ZZEF1: variants seen among roughly 807,000 people sequenced by gnomAD.
ZZEF1 encodes zinc finger ZZ-type and EF-hand domain-containing protein 1.
A neutral mutation model predicts 342.8 loss-of-function variants in ZZEF1; 157 were observed. The ratio of observed to expected loss-of-function variants is 0.46; its 90% CI spans 0.40 to 0.52. The LOEUF (loss-of-function observed/expected upper bound fraction) is 0.52, where lower values mean the gene tolerates loss of function less well. ZZEF1 is among the 20% of genes least tolerant of loss of function. ZZEF1 has a pLI of 0.00. For synonymous variants in ZZEF1, 1,505 were observed against 1,429.1 expected, an observed-to-expected ratio of 1.05 and a Z score of -1.20; for missense variants, 3,480 against 3,725.6, an observed-to-expected ratio of 0.93 and a Z score of 1.72.
intron 25 of ZZEF1, 105 bp from the exon 26 acceptor site, chr17:4,071,029 ACT>A: frequency 7.6e-7 from 1 of 1,322,098 alleles, no homozygotes; most frequent in Non-Finnish European, 1.0e-6. Context: ...CACAGTGAAC[ACT>A]CTCCGGAAGT....
At chr17:4,030,230 A>T (rs2145040942) in intron 42 of ZZEF1, among the ~76,000 whole-genome samples, 1 of 152,298 alleles carries the variant, frequency 6.6e-6, no homozygotes, top group South Asian at 2.1e-4. Context: ...TATCTAGGAA[A>T]CAAAAAGAGA....
At position 4,033,260 on chromosome 17, in the gene ZZEF1, A is replaced by T. The variant is rs7213504; in HGVS notation, c.6585-258T>A. The T allele has an allele frequency of 1.1e-3, 437 of 389,992 alleles. 2 individuals carry two copies. The highest frequency in any genetic ancestry group is 7.9e-3 in the African/African-American group (399 of 50,768). 24.2% of individuals were successfully genotyped at this position (389,992 alleles called of 1,614,324 possible). On this transcript the variant is annotated intron_variant, in intron 40 of 54. Transcript: ENST00000381638. ...ATCACCTGTGTGTGTGCACATGCAC[A>T]CTCATATTCAAACACAGAAGAAAAT...
Position 4,044,328 on chromosome 17 carries a change from T to C in ZZEF1, c.6062A>G (p.Gln2021Arg). Residue 2021 changes from glutamine to arginine, a missense_variant, in exon 38 of 55, where the codon CAG (glutamine) becomes CGG (arginine). Physicochemically the swap from Gln to Arg is conservative, Grantham distance 43 (BLOSUM62 1). This residue lies in a region of ZZEF1 where 1,269 missense variants were observed against 1,342.4 expected (regional missense o/e 0.95). Coordinates refer to ENST00000381638, the MANE Select transcript of ZZEF1 (RefSeq NM_015113.4). The stretch of plus-strand genomic sequence containing the variant: ...TACACCTTTATCTGCCTTATTTCTC[T>C]GCTTGAAATCTACAGGTCTGATTTC... ...HEEIRPVDFK[Q>R]RNKADKGVSL... is the part of the protein sequence containing the mutation. 1 of 1,614,086 alleles carries C rather than the reference T, an allele frequency of 6.2e-7. No homozygotes were observed. The highest frequency in any genetic ancestry group is 8.5e-7 in the Non-Finnish European group (1 of 1,179,982).
intron 34 of ZZEF1, among the ~76,000 whole-genome samples, 191 bp downstream of exon 34, chr17:4,053,866 G>A (rs959683072): frequency 2.0e-5 from 3 of 152,232 alleles, no homozygotes; most frequent in African/African-American, 4.8e-5. Flanking sequence ...AAGGAAGCAC[G>A]ACAGATATTA....
chr17:4,009,919 T>C (rs1457462367), intron 52 of ZZEF1, among the ~76,000 whole-genome samples, 162 bp from the exon 53 acceptor site: 2 of 152,026 alleles, frequency 1.3e-5, no homozygotes, highest in Non-Finnish European at 2.9e-5. Context: ...CAGCCACGAA[T>C]AGTCACCAAC....
intron 42 of ZZEF1, among the ~76,000 whole-genome samples, chr17:4,026,501 T>C (rs552785596): frequency 2.1e-4 from 32 of 151,138 alleles, no homozygotes; most frequent in Non-Finnish European, 3.0e-4. Context: ...CAGAAGACAA[T>C]AGACAAACAT....
intron 52 of ZZEF1, 65 bp from the exon 53 acceptor site, chr17:4,009,822 G>A (rs2055899919): frequency 6.4e-7 from 1 of 1,566,368 alleles, no homozygotes; most frequent in East Asian, 2.3e-5. Flanking sequence ...ATGGCTTACA[G>A]CTGGCAGGAA....
chr17:4,020,608 A>T (rs1255722571), intron 45 of ZZEF1, among the ~76,000 whole-genome samples: 2 of 152,160 alleles, frequency 1.3e-5, no homozygotes, highest in African/African-American at 4.8e-5. Flanking sequence ...AAGTGCTGGG[A>T]TTACTAGTGT....
intron 8 of ZZEF1, among the ~76,000 whole-genome samples, chr17:4,102,633 A>C (rs551770633): frequency 1.1e-4 from 17 of 152,192 alleles, no homozygotes; most frequent in Non-Finnish European, 2.1e-4. Flanking sequence ...GCCCTGAGTG[A>C]TTCCAAGGAC....
intron 25 of ZZEF1, 91 bp downstream of exon 25, chr17:4,072,517 A>G (rs915749018): frequency 7.0e-7 from 1 of 1,425,018 alleles, no homozygotes; most frequent in Admixed American, 2.7e-5. Flanking sequence ...TACGGGTAGT[A>G]AGATAGAAAC....
chr17:4,008,872 GGAGA>G lies in ZZEF1; in HGVS notation c.8805+7_8805+10del. ...GCCTGGGGGCCAGCTCTGTTGGGGT[GGAGA>G]GAGTACCTGTGCCGCACAGCGGAGA... On this transcript the variant is annotated splice_region_variant and intron_variant, in intron 54 of 54. Transcript: ENST00000381638. This position sits in a 1 kb window ranked among gnomAD's most constrained non-coding sequence, Gnocchi z 4.2. 6.5e-7 allele frequency: 1 copy of G among 1,546,356 alleles called. No individual in the cohort carries two copies. Among genetic ancestry groups the G allele is most frequent in the Non-Finnish European group, 8.7e-7 (1 of 1,148,206 alleles).
intron 28 of ZZEF1, among the ~76,000 whole-genome samples, chr17:4,065,563 A>G (rs2057375387): frequency 6.6e-6 from 1 of 152,160 alleles, no homozygotes; most frequent in African/African-American, 2.4e-5. Context: ...GTTTTCAAAC[A>G]TGTATATAGA....
Position 4,016,087 on chromosome 17 carries a change from T to G in ZZEF1, c.8145+236A>C, listed in dbSNP as rs568575024. Among the ~76,000 whole-genome samples the G allele has an allele frequency of 1.3e-5, 2 of 152,204 alleles. No homozygotes were observed. Among genetic ancestry groups the G allele is most frequent in the Non-Finnish European group, 2.9e-5 (2 of 68,036 alleles). On this transcript the variant is annotated intron_variant, in intron 49 of 54. Coordinates refer to ENST00000381638, the MANE Select transcript of ZZEF1 (RefSeq NM_015113.4). The surrounding 1 kb of genome is among the most constrained non-coding windows in gnomAD (Gnocchi z 4.4). The stretch of plus-strand genomic sequence containing the variant: ...CTCTCCTCCAGGGCTAGGTGGCCCA[T>G]TTTCTTCTATTAAAACAAGAAAAGT...
intron 28 of ZZEF1, among the ~76,000 whole-genome samples, chr17:4,065,507 C>T (rs1028956255): frequency 6.6e-6 from 1 of 151,980 alleles, no homozygotes; most frequent in Non-Finnish European, 1.5e-5. Context: ...ATCAAAATCT[C>T]GCCAGTACTA....
At chr17:4,034,651 T>G (rs948135040) in intron 39 of ZZEF1, among the ~76,000 whole-genome samples, 2 of 152,172 alleles carry the variant, frequency 1.3e-5, no homozygotes, top group Non-Finnish European at 2.9e-5. Flanking sequence ...AACTGTTAAG[T>G]GTGATGAATA....
chr17:4,125,222 C>G (rs1442114062), intron 1 of ZZEF1, among the ~76,000 whole-genome samples: 1 of 110,582 alleles, frequency 9.0e-6, no homozygotes, highest in Non-Finnish European at 2.0e-5. Flanking sequence ...TGCCCTCCTG[C>G]TGATACACTC....
intron 28 of ZZEF1, 57 bp from the exon 29 acceptor site, chr17:4,064,886 G>T (rs996010377): frequency 7.6e-7 from 1 of 1,320,826 alleles, no homozygotes; most frequent in South Asian, 1.4e-5. Context: ...TATGGGGGAG[G>T]GGGAGGGGAG....
At chr17:4,041,957 A>C (rs1228921325) in intron 39 of ZZEF1, among the ~76,000 whole-genome samples, 1 of 152,162 alleles carries the variant, frequency 6.6e-6, no homozygotes, top group Admixed American at 6.5e-5. Flanking sequence ...GTATAAAACT[A>C]TTCTATCAAT....
rs765069323 is a variant in ZZEF1, at chr17:4,078,204, T to C, written c.2830-162A>G. Among the ~76,000 whole-genome samples the C allele has an allele frequency of 4.8e-4, 73 of 152,274 alleles. 1 individual carries two copies. Among genetic ancestry groups the C allele is most frequent in the Non-Finnish European group, 9.6e-4 (65 of 68,014 alleles). On this transcript the variant is annotated intron_variant, in intron 18 of 54. Coordinates refer to ENST00000381638, the MANE Select transcript of ZZEF1 (RefSeq NM_015113.4). ...ACCCAGCAGTCACCAAGAAAGATGG[T>C]ATTACGAAAACTCCCCTTTCCCTCC...
Sources: gnomAD v4.1 joint callset for allele counts (sites outside exome capture counted in the v4.1 genomes callset) on GRCh38, gnomAD v4.1.1 for gene constraint, gnomAD v4.1.1 regional missense constraint, Gnocchi (gnomAD v3.1) non-coding constraint, MANE v1.5 for transcripts, NCBI Gene and HGNC (gene_info 2026-07-23, HGNC 2026-07-21) for gene names.